Variants in VDAC3 observed in about 807,000 individuals in gnomAD.
VDAC3 encodes the protein non-selective voltage-gated ion channel VDAC3.
Under a neutral mutation model 33.9 loss-of-function variants are expected in VDAC3, and 7 were observed. That is an observed-to-expected ratio of 0.21 (90% CI 0.12 to 0.39). The LOEUF (loss-of-function observed/expected upper bound fraction) is 0.39. Ranked by LOEUF, VDAC3 falls within the 10% of genes least tolerant of loss-of-function variation. The pLI, the probability that VDAC3 is intolerant of heterozygous loss-of-function variation, is 1.00. For missense variants in VDAC3, 261 were observed against 334.5 expected (o/e 0.78, Z 1.71); for synonymous variants, 100 against 122.4 (o/e 0.82, Z 1.21).
At chr8:42,394,718 A>G (rs1802274829) in intron 3 of VDAC3, among the ~76,000 whole-genome samples, 1 of 152,244 alleles carries the variant, frequency 6.6e-6, no homozygotes, top group South Asian at 2.1e-4. Context: ...TTTAACTTAA[A>G]TTTATGTGCT....
intron 6 of VDAC3, among the ~76,000 whole-genome samples, chr8:42,401,281 C>G (rs926199044): frequency 6.6e-6 from 1 of 152,170 alleles, no homozygotes; most frequent in Non-Finnish European, 1.5e-5. Context: ...ACTGCAACCT[C>G]TGCCTCCCAG....
intron 6 of VDAC3, among the ~76,000 whole-genome samples, chr8:42,400,344 A>AG (rs1408048250): frequency 5.3e-5 from 8 of 151,708 alleles, no homozygotes; most frequent in African/African-American, 1.7e-4. Context: ...AAAAAAAAAA[A>AG]GTTAATTCCT....
chr8:42,392,521 T>C (rs1206190166), intron 1 of VDAC3, among the ~76,000 whole-genome samples: 3 of 152,230 alleles, frequency 2.0e-5, no homozygotes, highest in African/African-American at 7.2e-5. Context: ...GTTTCTGTTG[T>C]TCTCGATTTT....
Position 42,405,638 on chromosome 8 carries a change from A to T in VDAC3, c.*176A>T, listed in dbSNP as rs1326463738. 1.8e-6 allele frequency: 1 copy of T among 566,848 alleles called. No homozygotes were observed. The highest frequency in any genetic ancestry group is 3.2e-6 in the Non-Finnish European group (1 of 316,966). The allele number at this position is 566,848 out of a possible 1,614,324, so 35.1% of individuals were successfully genotyped here. On this transcript the variant is annotated 3_prime_UTR_variant, in exon 10 of 10. Coordinates refer to ENST00000022615, the MANE Select transcript of VDAC3 (RefSeq NM_005662.7). ...GGGTTGCGAATCCCTCCTGAGGGAG[A>T]TGCTTGAAGGCATGCCTGGAAGTTG...
At chr8:42,393,926 T>C in intron 2 of VDAC3, 42 bp downstream of exon 2, 1 of 452,940 alleles carries the variant, frequency 2.2e-6, no homozygotes. Flanking sequence ...CAGTTTAACA[T>C]AGCATCTTTT....
chr8:42,403,543 G>T, intron 8 of VDAC3, 82 bp downstream of exon 8: 2 of 1,383,778 alleles, frequency 1.4e-6, no homozygotes, highest in South Asian at 1.4e-5. Flanking sequence ...AGTGTAGTTT[G>T]CTTGTTCTTT....
chr8:42,404,052 T>C (rs1256992362), intron 8 of VDAC3, among the ~76,000 whole-genome samples: 2 of 152,178 alleles, frequency 1.3e-5, no homozygotes, highest in East Asian at 1.9e-4. Context: ...TAGTAACTCT[T>C]ACTAAAAATA....
At chr8:42,398,673 G>T in intron 4 of VDAC3, 39 bp from the exon 5 acceptor site, 1 of 1,591,152 alleles carries the variant, frequency 6.3e-7, no homozygotes, top group South Asian at 1.1e-5. Context: ...TCTATTTGAT[G>T]AGCTAATTTT....
In VDAC3 at chr8:42,398,721, A is replaced by G; in HGVS notation, c.127A>G (p.Thr43Ala). Residue 43 changes from threonine (T) to alanine (A), a missense_variant, in exon 5 of 10, where the codon ACT becomes GCT. Transcript: ENST00000022615. ...TKSCSGVEFS[T>A]SGHAYTDTGK... ...TTTTCTTGCTTACCAGGAATTTTCTACTTCTGGTCATGCTTACACTGATAC... is the reference window on the plus strand; with the variant it reads ...TTTTCTTGCTTACCAGGAATTTTCTGCTTCTGGTCATGCTTACACTGATAC... The G allele has an allele frequency of 6.3e-7, 1 of 1,597,556 alleles. No individual in the cohort carries two copies. Among genetic ancestry groups the G allele is most frequent in the Non-Finnish European group, 8.5e-7 (1 of 1,176,058 alleles).
intron 6 of VDAC3, among the ~76,000 whole-genome samples, chr8:42,400,144 T>C (rs1802390087): frequency 6.6e-6 from 1 of 152,090 alleles, no homozygotes; most frequent in African/African-American, 2.4e-5. Context: ...GAAACCATCC[T>C]GGCTAACACG....
At chr8:42,399,593 T>G in intron 5 of VDAC3, 58 bp from the exon 6 acceptor site, 1 of 1,496,496 alleles carries the variant, frequency 6.7e-7, no homozygotes, top group South Asian at 1.2e-5. Context: ...ATTGGTTTCT[T>G]GAGTTGGATA....
rs537116223 is a variant in VDAC3 at position 42,405,763 on chromosome 8, A to C, written c.*301A>C. 2 of 273,866 alleles carry C rather than the reference A, an allele frequency of 7.3e-6. No homozygotes were observed. The highest frequency in any genetic ancestry group is 1.1e-4 in the South Asian group (2 of 18,000). The allele number at this position is 273,866 out of a possible 1,614,324, so 17.0% of individuals were successfully genotyped here. A position where few individuals can be genotyped will look rare whatever the true frequency, so the allele number is the denominator to read the frequency against. On this transcript the variant is annotated 3_prime_UTR_variant, in exon 10 of 10. Coordinates refer to ENST00000022615, the MANE Select transcript of VDAC3 (RefSeq NM_005662.7). The stretch of plus-strand genomic sequence containing the variant: ...GTTAGAGGAGACGATCTGACCCACC[A>C]GTTTGTACATCACGTCCTGCATGTC...
At chr8:42,403,590 G>A (rs748292954) in intron 8 of VDAC3, 129 bp downstream of exon 8, 39 of 1,055,312 alleles carry the variant, frequency 3.7e-5, no homozygotes, top group Non-Finnish European at 5.2e-5. Context: ...TGTAGTGAAA[G>A]GAATATAATG....
In VDAC3 at chr8:42,396,846, C is replaced by T; in HGVS notation, c.117+1713C>T. 10 of 584,682 alleles carry T rather than the reference C, an allele frequency of 1.7e-5. 1 individual carries two copies. The South Asian group carries it at 2.2e-4, about 13-fold the overall frequency. 36.2% of individuals were successfully genotyped at this position (584,682 alleles called of 1,614,324 possible). ...AGTAACATTTTTGTTTGTTTTGTTG[C>T]TTACTAAGCATTTAATGTAGAGCTA... On this transcript the variant is annotated intron_variant, in intron 4 of 9. Coordinates refer to ENST00000022615, the MANE Select transcript of VDAC3 (RefSeq NM_005662.7).
At chr8:42,400,099 A>G (rs2130889133) in intron 6 of VDAC3, among the ~76,000 whole-genome samples, 1 of 152,224 alleles carries the variant, frequency 6.6e-6, no homozygotes, top group African/African-American at 2.4e-5. Flanking sequence ...GCACTTTGGG[A>G]GGCCGAGATG....
At chr8:42,392,044 A>G (rs1824876014) in intron 1 of VDAC3, 116 bp downstream of exon 1, 1 of 152,072 alleles carries the variant, frequency 6.6e-6, no homozygotes, top group Admixed American at 6.5e-5. Context: ...GGAGCAGGCT[A>G]CCGGGGCGCG....
At chr8:42,402,243 G>A in intron 7 of VDAC3, 1 of 574,722 alleles carries the variant, frequency 1.7e-6, no homozygotes, top group Non-Finnish European at 3.1e-6. Context: ...ACTTGAGGAA[G>A]CTCCAGCCTC....
Position 42,405,798 on chromosome 8 carries a change from T to A in VDAC3, c.*336T>A. ...TCACGTCCTGCATGTCCCACACCAT[T>A]TTTTCATGACCTTGTAATATACTGG... is the stretch of plus-strand genomic sequence containing the variant. On this transcript the variant is annotated 3_prime_UTR_variant, in exon 10 of 10. Coordinates refer to ENST00000022615, the MANE Select transcript of VDAC3 (RefSeq NM_005662.7). The A allele has an allele frequency of 4.6e-6, 1 of 215,102 alleles. No homozygotes were observed. Among genetic ancestry groups the A allele is most frequent in the Non-Finnish European group, 9.3e-6 (1 of 108,030 alleles). The allele number at this position is 215,102 out of a possible 1,614,324, so 13.3% of individuals were successfully genotyped here. A position where few individuals can be genotyped will look rare whatever the true frequency, so the allele number is the denominator to read the frequency against.
At chr8:42,403,135 G>T in intron 7 of VDAC3, 176 bp from the exon 8 acceptor site, 1 of 653,624 alleles carries the variant, frequency 1.5e-6, no homozygotes. Flanking sequence ...AGTCATTACT[G>T]GCATAGCTGG....
Sources: gnomAD v4.1 joint callset for allele counts (sites outside exome capture counted in the v4.1 genomes callset) on GRCh38, gnomAD v4.1.1 for gene constraint, MANE v1.5 for transcripts, NCBI Gene and HGNC (gene_info 2026-07-23, HGNC 2026-07-21) for gene names.